WAC: variants seen among roughly 807,000 people sequenced by gnomAD.
The protein encoded by WAC is WW domain containing adaptor with coiled-coil.
Under a neutral mutation model 79.6 loss-of-function variants are expected in WAC, and 11 were observed. The ratio of observed to expected loss-of-function variants is 0.14; its 90% confidence interval spans 0.09 to 0.23. The LOEUF (loss-of-function observed/expected upper bound fraction) is 0.23, where lower values mean the gene tolerates loss of function less well. WAC is among the 10% of genes least tolerant of loss of function. The pLI is 1.00. For synonymous variants in WAC, 304 were observed against 276.9 expected, an observed-to-expected ratio of 1.10 and a Z score of -0.97; for missense variants, 728 against 773.5, an observed-to-expected ratio of 0.94 and a Z score of 0.70.
intron 3 of WAC, among the ~76,000 whole-genome samples, chr10:28,572,337 CAA>C (rs535940157): frequency 3.7e-4 from 32 of 86,802 alleles, no homozygotes; most frequent in Admixed American, 6.7e-4. Flanking sequence ...ACTCTGTCTC[CAA>C]AAAAAAAAAA....
At chr10:28,601,841 T>C (rs1354337668) in intron 7 of WAC, among the ~76,000 whole-genome samples, 1 of 152,148 alleles carries the variant, frequency 6.6e-6, no homozygotes, top group Non-Finnish European at 1.5e-5. Flanking sequence ...CCCAGAATGG[T>C]CAAATTCATA....
chr10:28,565,064 G>A (rs1838525199), intron 3 of WAC, among the ~76,000 whole-genome samples: 1 of 151,782 alleles, frequency 6.6e-6, no homozygotes, highest in African/African-American at 2.4e-5. Flanking sequence ...TTTCAGGAAT[G>A]TGTTATGTAT....
intron 11 of WAC, 108 bp from the exon 12 acceptor site, chr10:28,616,065 G>T: frequency 3.4e-6 from 3 of 878,878 alleles, no homozygotes; most frequent in Non-Finnish European, 4.9e-6. Context: ...TTTTTCTTAG[G>T]AATTTGGATA....
chr10:28,569,276 G>A (rs1039727416), intron 3 of WAC, among the ~76,000 whole-genome samples: 4 of 152,072 alleles, frequency 2.6e-5, no homozygotes, highest in South Asian at 2.1e-4. Flanking sequence ...TGAGAATTTC[G>A]TTCTTGTGCC....
chr10:28,556,385 TA>T (rs1223368169), intron 3 of WAC, among the ~76,000 whole-genome samples: 15 of 129,286 alleles, frequency 1.2e-4, no homozygotes, highest in African/African-American at 3.9e-4. Context: ...CGTTGCCCAT[TA>T]AATTTTTTTT....
At chr10:28,575,851 CATA>C (rs758008975) in intron 3 of WAC, among the ~76,000 whole-genome samples, 36 of 152,332 alleles carry the variant, frequency 2.4e-4, no homozygotes, top group Non-Finnish European at 4.3e-4. Flanking sequence ...TCTCCTGTCG[CATA>C]ATGTTTCCAT....
intron 9 of WAC, 24 bp from the exon 10 acceptor site, chr10:28,611,744 TTTAAAA>T: frequency 1.2e-6 from 2 of 1,601,248 alleles, no homozygotes; most frequent in Non-Finnish European, 1.7e-6. Context: ...TTTGTTTTTC[TTTAAAA>T]TTAATTGCTT....
At chr10:28,597,840 T>C (rs1840459314) in intron 7 of WAC, among the ~76,000 whole-genome samples, 1 of 152,234 alleles carries the variant, frequency 6.6e-6, no homozygotes, top group Non-Finnish European at 1.5e-5. Context: ...AATCTTGGGC[T>C]CTTTCTCCTA....
intron 13 of WAC, 141 bp downstream of exon 13, chr10:28,617,925 A>G (rs1378171898): frequency 1.6e-5 from 16 of 978,962 alleles, no homozygotes; most frequent in South Asian, 1.1e-4. Flanking sequence ...CTGCATTTTC[A>G]TAAGTTAATA....
intron 4 of WAC, among the ~76,000 whole-genome samples, chr10:28,588,578 A>C (rs1839934168): frequency 6.6e-6 from 1 of 152,180 alleles, no homozygotes; most frequent in Non-Finnish European, 1.5e-5. Flanking sequence ...CTAGTTGTTA[A>C]AATTAAAGCT....
Position 28,583,497 on chromosome 10 carries a change from T to G in WAC, c.373T>G (p.Ser125Ala). 1 of 1,569,314 alleles carries G rather than the reference T, an allele frequency of 6.4e-7. No homozygotes were observed. Among genetic ancestry groups the G allele is most frequent in the Non-Finnish European group, 8.6e-7 (1 of 1,160,228 alleles). ...SNPSNNPSKT[S>A]DAPYDSADDW... ...TCCAAGCAATAACCCAAGCAAAACTTCAGATGCAGTAAGTATTATAAACAT... is the reference window on the plus strand; with the variant it reads ...TCCAAGCAATAACCCAAGCAAAACTGCAGATGCAGTAAGTATTATAAACAT... The change falls in exon 4 of 14, where the codon TCA (serine) becomes GCA (alanine). Residue 125 changes from serine (S) to alanine (A), a missense_variant. Ser to Ala is a moderately conservative substitution (Grantham distance 99). Around this residue, in one of 3 missense-constraint regions of WAC, gnomAD observed 648 missense variants for 661.5 expected, o/e 0.98. Transcript: ENST00000354911.
chr10:28,546,758 A>C (rs1837367515), intron 3 of WAC, among the ~76,000 whole-genome samples: 1 of 152,070 alleles, frequency 6.6e-6, no homozygotes, highest in Non-Finnish European at 1.5e-5. Context: ...TAAACATGTA[A>C]ATTTTGTGAA....
At chr10:28,534,684 T>A (rs1836522919) in intron 2 of WAC, among the ~76,000 whole-genome samples, 1 of 152,192 alleles carries the variant, frequency 6.6e-6, no homozygotes, top group Non-Finnish European at 1.5e-5. Flanking sequence ...GTGGCCCCAA[T>A]TTTCAGGAGG....
chr10:28,539,636 G>A (rs1042288728), intron 3 of WAC, among the ~76,000 whole-genome samples: 3 of 151,644 alleles, frequency 2.0e-5, no homozygotes, highest in Non-Finnish European at 2.9e-5. Context: ...CTGGCTCGCT[G>A]TAACCTCTGC....
intron 10 of WAC, 69 bp downstream of exon 10, chr10:28,611,991 A>G: frequency 4.5e-6 from 7 of 1,565,448 alleles, no homozygotes; most frequent in East Asian, 2.2e-5. Context: ...ACATTTTAGA[A>G]TCTGTTATAG....
intron 3 of WAC, chr10:28,538,351 G>A (rs754139410): frequency 3.2e-6 from 1 of 310,954 alleles, no homozygotes; most frequent in South Asian, 2.4e-5. Flanking sequence ...GGAGGCCGAG[G>A]CAGGCAGATC....
intron 4 of WAC, chr10:28,588,922 C>G (rs894909740): frequency 6.6e-6 from 1 of 152,074 alleles, no homozygotes; most frequent in Non-Finnish European, 1.5e-5. Context: ...CAGTAAGCTC[C>G]TTTGAAAAAA....
intron 3 of WAC, among the ~76,000 whole-genome samples, chr10:28,579,873 T>A (rs1165270931): frequency 6.6e-6 from 1 of 152,176 alleles, no homozygotes; most frequent in African/African-American, 2.4e-5. Flanking sequence ...CTGCACTACC[T>A]TCAGGTCCAA....
intron 3 of WAC, among the ~76,000 whole-genome samples, chr10:28,556,060 T>C (rs1430477605): frequency 6.6e-6 from 1 of 152,118 alleles, no homozygotes; most frequent in East Asian, 1.9e-4. Flanking sequence ...AGCATATCTG[T>C]TTGAGATACT....
Sources: gnomAD v4.1 joint callset for allele counts (sites outside exome capture counted in the v4.1 genomes callset) on GRCh38, gnomAD v4.1.1 for gene constraint, gnomAD v4.1.1 regional missense constraint, MANE v1.5 for transcripts, NCBI Gene and HGNC (gene_info 2026-07-23, HGNC 2026-07-21) for gene names.